Variants in GRID1 observed in about 807,000 individuals in gnomAD.
The protein encoded by GRID1 is glutamate ionotropic receptor delta type subunit 1, also known as glutamate receptor ionotropic, delta-1.
Under a neutral mutation model 98.0 loss-of-function variants are expected in GRID1, and 28 were observed. That is an observed-to-expected ratio of 0.29 (90% CI 0.21 to 0.39). GRID1 has a LOEUF of 0.39. Ranked by LOEUF, GRID1 falls within the 10% of genes least tolerant of loss-of-function variation. The pLI is 1.00. For missense variants in GRID1, 1,111 were observed against 1,340.5 expected (o/e 0.83, Z 2.67); for synonymous variants, 553 against 538.5 (o/e 1.03, Z -0.37).
chr10:86,295,842 C>T (rs61856584), intron 2 of GRID1, among the ~76,000 whole-genome samples: 10,083 of 152,216 alleles, frequency 0.066, 600 homozygotes, highest in African/African-American at 0.16. Context: ...GGGTAAACTT[C>T]GCCCACCTGG....
intron 8 of GRID1, among the ~76,000 whole-genome samples, chr10:85,734,819 G>T (rs1443791229): frequency 2.6e-5 from 4 of 152,066 alleles, no homozygotes; most frequent in African/African-American, 9.7e-5. Flanking sequence ...CAAAATATAA[G>T]GCCAGAACAT....
intron 8 of GRID1, among the ~76,000 whole-genome samples, chr10:85,836,707 G>T (rs759233739): frequency 6.6e-6 from 1 of 152,190 alleles, no homozygotes; most frequent in Non-Finnish European, 1.5e-5. Flanking sequence ...CTAAATAAGA[G>T]ACTTTAGCTT....
At chr10:85,953,206 G>T (rs905733158) in intron 4 of GRID1, among the ~76,000 whole-genome samples, 7 of 152,054 alleles carry the variant, frequency 4.6e-5, no homozygotes, top group African/African-American at 1.7e-4. Context: ...AAAAGAATGA[G>T]ATCATGTCCT....
chr10:85,987,969 T>A (rs1337590863), intron 4 of GRID1, among the ~76,000 whole-genome samples: 1 of 152,144 alleles, frequency 6.6e-6, no homozygotes, highest in African/African-American at 2.4e-5. Context: ...ATCATCAGGT[T>A]TGTCACCACC....
intron 4 of GRID1, among the ~76,000 whole-genome samples, chr10:86,092,698 A>G (rs528745670): frequency 1.3e-5 from 2 of 152,352 alleles, no homozygotes; most frequent in Admixed American, 6.5e-5. Flanking sequence ...AATCCTAAAC[A>G]TACATGCAGC....
At chr10:85,881,911 T>C (rs1841033524) in intron 5 of GRID1, among the ~76,000 whole-genome samples, 1 of 151,790 alleles carries the variant, frequency 6.6e-6, no homozygotes, top group Non-Finnish European at 1.5e-5. Context: ...CTACAAGAAC[T>C]CCAACAAATT....
intron 14 of GRID1, among the ~76,000 whole-genome samples, chr10:85,614,907 C>T (rs1297790208): frequency 6.6e-6 from 1 of 152,198 alleles, no homozygotes; most frequent in Non-Finnish European, 1.5e-5. Context: ...AGACCCCAAA[C>T]ACCCAAGCTT....
intron 12 of GRID1, among the ~76,000 whole-genome samples, chr10:85,714,520 G>T (rs1189442871): frequency 6.6e-6 from 1 of 151,898 alleles, no homozygotes; most frequent in African/African-American, 2.4e-5. Flanking sequence ...CCAAACAAAT[G>T]CAGGAACTAA....
At chr10:86,301,289 G>C (rs1321848265) in intron 2 of GRID1, among the ~76,000 whole-genome samples, 1 of 152,188 alleles carries the variant, frequency 6.6e-6, no homozygotes, top group East Asian at 1.9e-4. Flanking sequence ...TTCTGCTTCA[G>C]GTTGCACTGA....
At position 86,206,412 on chromosome 10, in the gene GRID1, T is replaced by A; in HGVS notation, c.472A>T (p.Thr158Ser). 6.2e-7 allele frequency: 1 copy of A among 1,611,674 alleles called. No homozygotes were observed. The highest frequency in any genetic ancestry group is 8.5e-7 in the Non-Finnish European group (1 of 1,177,972). Residue 158 changes from threonine (T) to serine (S), a missense_variant, in exon 3 of 16, where the codon ACG becomes TCG. Transcript: ENST00000327946. This position sits in a 1 kb window ranked among gnomAD's most constrained non-coding sequence, Gnocchi z 4.1. ...ACGAACTTCTGCCAGCGCAGCTCCGTCACCAGCCTGAGCATGACATCATTG... is the reference window on the plus strand; with the variant it reads ...ACGAACTTCTGCCAGCGCAGCTCCGACACCAGCCTGAGCATGACATCATTG... ...RLNDVMLRLV[T>S]ELRWQKFVMF...
intron 2 of GRID1, among the ~76,000 whole-genome samples, chr10:86,316,500 C>G (rs899362499): frequency 6.6e-6 from 1 of 152,256 alleles, no homozygotes; most frequent in Non-Finnish European, 1.5e-5. Flanking sequence ...AAGAGCCTTT[C>G]TCCAGTGCTG....
intron 2 of GRID1, among the ~76,000 whole-genome samples, chr10:86,356,957 A>G (rs1227574961): frequency 5.9e-5 from 9 of 152,248 alleles, no homozygotes; most frequent in Non-Finnish European, 1.3e-4. Context: ...CCTCGCAGCT[A>G]CAAGAATTGG....
chr10:85,766,224 G>A (rs1284920189), intron 8 of GRID1, among the ~76,000 whole-genome samples: 1 of 152,226 alleles, frequency 6.6e-6, no homozygotes, highest in Non-Finnish European at 1.5e-5. Context: ...AGTGGCTCAC[G>A]CCTATAATCC....
chr10:86,076,560 G>C (rs1409945515), intron 4 of GRID1, among the ~76,000 whole-genome samples: 5 of 152,218 alleles, frequency 3.3e-5, no homozygotes, highest in African/African-American at 4.8e-5. Flanking sequence ...AAGCTGGCAA[G>C]TCCACAGTCT....
chr10:85,848,902 A>G (rs1386260578), intron 8 of GRID1, among the ~76,000 whole-genome samples: 1 of 152,200 alleles, frequency 6.6e-6, no homozygotes, highest in Middle Eastern at 3.2e-3. Flanking sequence ...GAAGAATGTT[A>G]ATCCATGAAG....
intron 4 of GRID1, among the ~76,000 whole-genome samples, chr10:85,933,553 C>G (rs889516875): frequency 6.6e-6 from 1 of 152,136 alleles, no homozygotes; most frequent in Non-Finnish European, 1.5e-5. Flanking sequence ...TGGGATAAAA[C>G]AAGGAATTCT....
intron 12 of GRID1, among the ~76,000 whole-genome samples, chr10:85,702,550 G>C (rs1454990287): frequency 6.6e-6 from 1 of 152,058 alleles, no homozygotes; most frequent in Non-Finnish European, 1.5e-5. Flanking sequence ...TAAAGTGCAA[G>C]TTTCTGTTTG....
chr10:85,677,041 G>T (rs1841152789), intron 12 of GRID1, among the ~76,000 whole-genome samples: 1 of 152,154 alleles, frequency 6.6e-6, no homozygotes, highest in African/African-American at 2.4e-5. Flanking sequence ...CCCTGTATTT[G>T]GACTGAAGAT....
intron 8 of GRID1, among the ~76,000 whole-genome samples, chr10:85,802,035 C>A (rs1842581164): frequency 6.6e-6 from 1 of 151,930 alleles, no homozygotes; most frequent in Non-Finnish European, 1.5e-5. Flanking sequence ...GCAAATAAAT[C>A]TAACAAAAAT....
Sources: gnomAD v4.1 joint callset for allele counts (sites outside exome capture counted in the v4.1 genomes callset) on GRCh38, gnomAD v4.1.1 for gene constraint, Gnocchi (gnomAD v3.1) non-coding constraint, MANE v1.5 for transcripts, NCBI Gene and HGNC (gene_info 2026-07-23, HGNC 2026-07-21) for gene names.